The following IGSF21 variants were observed in gnomAD, a reference collection of about 807,000 sequenced individuals.
The protein encoded by IGSF21 is immunoglobin superfamily member 21.
IGSF21 carries 28 observed loss-of-function variants against 46.8 expected under a neutral mutation model. That is an observed-to-expected ratio of 0.60 (90% CI 0.44 to 0.82). IGSF21 has a LOEUF of 0.82. Among genes scored for constraint, IGSF21 ranks in the 40% least tolerant of loss-of-function variants. IGSF21 has a pLI of 0.00. For missense variants in IGSF21, 624 were observed against 665.5 expected (o/e 0.94, Z 0.69); for synonymous variants, 284 against 273.6 (o/e 1.04, Z -0.38).
chr1:18,193,664 G>T (rs935790132), intron 1 of IGSF21, among the ~76,000 whole-genome samples: 1 of 152,162 alleles, frequency 6.6e-6, no homozygotes, highest in African/African-American at 2.4e-5. Context: ...TTAAGGGTGG[G>T]TCTGCCTTCC....
At chr1:18,253,807 C>T (rs1447631654) in intron 2 of IGSF21, among the ~76,000 whole-genome samples, 1 of 152,086 alleles carries the variant, frequency 6.6e-6, no homozygotes, top group Admixed American at 6.6e-5. Context: ...AGAGAGAAGC[C>T]AAAAGAGAGA....
chr1:18,256,219 C>T (rs1239882736), intron 2 of IGSF21, among the ~76,000 whole-genome samples: 2 of 152,184 alleles, frequency 1.3e-5, no homozygotes, highest in African/African-American at 4.8e-5. Flanking sequence ...AATTCCTACC[C>T]CCCTTTAGGC....
intron 1 of IGSF21, among the ~76,000 whole-genome samples, chr1:18,159,253 G>C (rs1227278048): frequency 6.6e-6 from 1 of 152,186 alleles, no homozygotes; most frequent in Non-Finnish European, 1.5e-5. Flanking sequence ...GATGCTCCAA[G>C]TCAGGGTGCA....
chr1:18,251,310 G>C (rs1245963594), intron 2 of IGSF21, among the ~76,000 whole-genome samples: 2 of 152,206 alleles, frequency 1.3e-5, no homozygotes. Context: ...CTGTAGGGGA[G>C]TGTGCTAGTC....
chr1:18,159,232 T>G (rs1402714889), intron 1 of IGSF21, among the ~76,000 whole-genome samples: 1 of 152,218 alleles, frequency 6.6e-6, no homozygotes, highest in Non-Finnish European at 1.5e-5. Context: ...AGGCTGGACT[T>G]GTCTGCTGAA....
intron 2 of IGSF21, among the ~76,000 whole-genome samples, chr1:18,262,573 G>T (rs1557613249): frequency 6.6e-6 from 1 of 152,182 alleles, no homozygotes; most frequent in Non-Finnish European, 1.5e-5. Context: ...CATAGTAGAT[G>T]CACCGTAAAT....
chr1:18,376,437 G>T, intron 7 of IGSF21, 42 bp downstream of exon 7: 1 of 1,421,444 alleles, frequency 7.0e-7, no homozygotes, highest in Non-Finnish European at 1.0e-6. Flanking sequence ...GTGGGAGGTG[G>T]TAGAGGCACC....
At chr1:18,179,995 C>T (rs2086840698) in intron 1 of IGSF21, among the ~76,000 whole-genome samples, 1 of 152,198 alleles carries the variant, frequency 6.6e-6, no homozygotes, top group African/African-American at 2.4e-5. Flanking sequence ...CATCCTCTTT[C>T]CTGGTATTTG....
intron 1 of IGSF21, among the ~76,000 whole-genome samples, chr1:18,193,863 G>A (rs2086981791): frequency 6.6e-6 from 1 of 152,148 alleles, no homozygotes; most frequent in Non-Finnish European, 1.5e-5. Context: ...ATACAAATAT[G>A]GTTTAGCCTA....
chr1:18,357,091 G>A (rs1268522673), intron 4 of IGSF21, among the ~76,000 whole-genome samples: 1 of 151,184 alleles, frequency 6.6e-6, no homozygotes, highest in East Asian at 2.0e-4. Flanking sequence ...GGTGGAGATG[G>A]GCATGGGGTA....
chr1:18,203,644 C>A (rs1224363179), intron 1 of IGSF21, among the ~76,000 whole-genome samples: 4 of 152,086 alleles, frequency 2.6e-5, no homozygotes, highest in African/African-American at 7.2e-5. Flanking sequence ...GAATGAATGA[C>A]TGTTTGTATA....
At chr1:18,213,638 G>A (rs1570344014) in intron 1 of IGSF21, among the ~76,000 whole-genome samples, 1 of 152,170 alleles carries the variant, frequency 6.6e-6, no homozygotes, top group African/African-American at 2.4e-5. Flanking sequence ...AATGGAGTGT[G>A]GGGAGCACAC....
intron 1 of IGSF21, among the ~76,000 whole-genome samples, chr1:18,160,770 C>T (rs369499022): frequency 4.3e-4 from 66 of 152,214 alleles, no homozygotes; most frequent in African/African-American, 1.4e-3. Flanking sequence ...ACAGTCCCTG[C>T]ACCCGCAGCC....
At chr1:18,223,538 C>T in intron 1 of IGSF21, among the ~76,000 whole-genome samples, 1 of 152,234 alleles carries the variant, frequency 6.6e-6, no homozygotes, top group East Asian at 1.9e-4. Flanking sequence ...TAGCTCGTTC[C>T]TGTCTGTGAC....
chr1:18,248,129 C>T (rs906971165), intron 2 of IGSF21, among the ~76,000 whole-genome samples: 1 of 152,330 alleles, frequency 6.6e-6, no homozygotes, highest in East Asian at 1.9e-4. Context: ...CGTAACACCA[C>T]CAAAGGAGAT....
chr1:18,334,919 T>C lies in IGSF21; in HGVS notation c.333T>C (p.Asn111=). ...TGCCCGAGGTCCGGATCTCAGACAATGGTCCCTATGAGTGCCATGTGGGCA... is the reference window on the plus strand; with the variant it reads ...TGCCCGAGGTCCGGATCTCAGACAACGGTCCCTATGAGTGCCATGTGGGCA... ...VRLPEVRISD[N]GPYECHVGIY... is the part of the protein sequence containing the mutation. Residue 111 remains asparagine, a synonymous_variant, in exon 4 of 10, where the codon AAT becomes AAC. Transcript: ENST00000251296. The surrounding 1 kb of genome is among the most constrained non-coding windows in gnomAD (Gnocchi z 4.3). The C allele has an allele frequency of 6.2e-7, 1 of 1,614,090 alleles. No homozygotes were observed. The highest frequency in any genetic ancestry group is 2.2e-5 in the East Asian group (1 of 44,864).
At chr1:18,295,993 G>A (rs1238984925) in intron 3 of IGSF21, among the ~76,000 whole-genome samples, 1 of 150,852 alleles carries the variant, frequency 6.6e-6, no homozygotes, top group African/African-American at 2.5e-5. Flanking sequence ...AAAATGAGCG[G>A]GCAGTTCTGG....
At chr1:18,154,514 C>A (rs971350018) in intron 1 of IGSF21, among the ~76,000 whole-genome samples, 9 of 151,928 alleles carry the variant, frequency 5.9e-5, no homozygotes, top group Non-Finnish European at 1.3e-4. Context: ...TGGGCTCTGC[C>A]CTGAGAGAAG....
chr1:18,371,299 C>T (rs562683732), intron 6 of IGSF21, among the ~76,000 whole-genome samples: 4 of 152,290 alleles, frequency 2.6e-5, no homozygotes, highest in South Asian at 2.1e-4. Flanking sequence ...AGGCTGGGCA[C>T]GGTGGCTTAC....
Sources: gnomAD v4.1 joint callset for allele counts (sites outside exome capture counted in the v4.1 genomes callset) on GRCh38, gnomAD v4.1.1 for gene constraint, Gnocchi (gnomAD v3.1) non-coding constraint, MANE v1.5 for transcripts, NCBI Gene and HGNC (gene_info 2026-07-23, HGNC 2026-07-21) for gene names.